Variants in ANGPTL6 observed in about 807,000 individuals in gnomAD.
ANGPTL6 encodes the protein angiopoietin like 6.
In ANGPTL6, 45 loss-of-function variants were observed where a neutral mutation model predicts 47.4. The ratio of observed to expected loss-of-function variants is 0.95; its 90% CI spans 0.75 to 1.22. The LOEUF is 1.22. Ranked by LOEUF, ANGPTL6 falls within the 50% of genes most tolerant of loss-of-function variation. ANGPTL6 has a pLI of 0.00. For synonymous variants in ANGPTL6, 290 were observed against 295.9 expected, an observed-to-expected ratio of 0.98 and a Z score of 0.20; for missense variants, 698 against 669.4, an observed-to-expected ratio of 1.04 and a Z score of -0.47.
At position 10,094,781 on chromosome 19, in the gene ANGPTL6, G is replaced by A. The variant is rs368615668; in HGVS notation, c.740C>T (p.Pro247Leu). ...PMASPMPAGH[P>L]AVPTKPVGPW... ...ACCCACAGGCTTGGTGGGGACCGCA[G>A]GGTGACCTGCAGGCATGGGAGAAGC... The change falls in exon 3 of 6, where the codon CCT (proline) becomes CTT (leucine). Residue 247 changes from proline (P) to leucine (L), a missense_variant. Physicochemically the swap from Pro to Leu is moderately conservative, Grantham distance 98. Coordinates refer to ENST00000253109, the MANE Select transcript of ANGPTL6 (RefSeq NM_031917.3). 1.9e-6 allele frequency: 3 copies of A among 1,614,108 alleles called. No individual in the cohort carries two copies. In the African/African-American group the frequency reaches 4.0e-5, roughly 22 times the overall value.
chr19:10,096,423 G>C lies in ANGPTL6; in HGVS notation c.141C>G (p.Pro47=). ...CCTCGGGCGTCGCCCGCGTGGATGC[G>C]GGGCCGCTCCAGCACACAGCGCCCG... The part of the protein sequence containing the change: ...KFTGAVCWSG[P]ASTRATPEAA... Residue 47 remains proline, a synonymous_variant, in exon 2 of 6, where the codon CCC becomes CCG. Transcript: ENST00000253109. The C allele has an allele frequency of 7.4e-7, 1 of 1,343,376 alleles. No homozygotes were observed. The allele number at this position is 1,343,376 out of a possible 1,614,324, so 83.2% of individuals were successfully genotyped here.
upstream of ANGPTL6, among the ~76,000 whole-genome samples, chr19:10,104,307 TTGTGTGTGTGGTGTG>T (rs1335764603): frequency 7.0e-5 from 6 of 85,266 alleles, no homozygotes; most frequent in African/African-American, 1.1e-4. Flanking sequence ...TTTGTTTTGT[TTGTGTGTGTGGTGTG>T]TGTGTGTGTG....
At chr19:10,106,133 G>A (rs2088813734), upstream of ANGPTL6, 2 of 600,322 alleles carry the variant, frequency 3.3e-6, no homozygotes, top group Non-Finnish European at 5.7e-6. Context: ...TGGAGGAAAT[G>A]GGCCGAAGCG....
upstream of ANGPTL6, among the ~76,000 whole-genome samples, chr19:10,105,090 G>A (rs1321648123): frequency 3.3e-5 from 5 of 152,182 alleles, no homozygotes; most frequent in Admixed American, 6.5e-5. Context: ...GCCACACGCC[G>A]GGAGAGTCAC....
Position 10,095,963 on chromosome 19 carries a change from G to C in ANGPTL6, c.582+19C>G. The C allele has an allele frequency of 7.8e-7, 1 of 1,285,512 alleles. No individual in the cohort carries two copies. The highest frequency in any genetic ancestry group is 9.9e-7 in the Non-Finnish European group (1 of 1,009,902). 79.6% of individuals were successfully genotyped at this position (1,285,512 alleles called of 1,614,324 possible). On this transcript the variant is annotated intron_variant, in intron 2 of 5. Transcript: ENST00000253109. ...CATTTCACAGACGATGCTGCTCTCC[G>C]GGGAGGCTGCGAGGTTACCTGCTGC... is the stretch of plus-strand genomic sequence containing the variant.
Position 10,094,644 on chromosome 19 carries a change from A to G in ANGPTL6, c.763+114T>C, listed in dbSNP as rs567388672. 6 of 1,283,832 alleles carry G rather than the reference A, an allele frequency of 4.7e-6. No individual in the cohort carries two copies. In the African/African-American group the frequency reaches 9.0e-5, roughly 19 times the overall value. 79.5% of individuals were successfully genotyped at this position (1,283,832 alleles called of 1,614,324 possible). ...TAGAAGTTTGGTCTTATTTTTAATCAGAATAGGAGTATCATTTCTTCTGGT... is the reference window on the plus strand; with the variant it reads ...TAGAAGTTTGGTCTTATTTTTAATCGGAATAGGAGTATCATTTCTTCTGGT... On this transcript the variant is annotated intron_variant, in intron 3 of 5. Transcript: ENST00000253109.
At position 10,096,388 on chromosome 19, in the gene ANGPTL6, G is replaced by A; in HGVS notation, c.176C>T (p.Ala59Val). ...CATGCGCAGCGCCGCCAGCTCGCTG[G>A]CGTTGGCGGCCTCGGGCGTCGCCCG... ...STRATPEAAN[A>V]SELAALRMRV... The change falls in exon 2 of 6, where the codon GCC (alanine) becomes GTC (valine). Residue 59 changes from alanine to valine, a missense_variant. Ala to Val is a moderately conservative substitution (Grantham distance 64). Transcript: ENST00000253109. 3.1e-6 allele frequency: 4 copies of A among 1,303,276 alleles called. No homozygotes were observed. The highest frequency in any genetic ancestry group is 2.3e-5 in the South Asian group (1 of 43,758). The allele number at this position is 1,303,276 out of a possible 1,614,324, so 80.7% of individuals were successfully genotyped here.
At position 10,095,918 on chromosome 19, in the gene ANGPTL6, T is replaced by C. The variant is rs530837611; in HGVS notation, c.582+64A>G. 1.9e-4 allele frequency: 182 copies of C among 970,964 alleles called. 1 individual carries two copies. In the South Asian group the frequency reaches 7.1e-3, roughly 38 times the overall value. The allele number at this position is 970,964 out of a possible 1,614,324, so 60.1% of individuals were successfully genotyped here. On this transcript the variant is annotated intron_variant, in intron 2 of 5. Coordinates refer to ENST00000253109, the MANE Select transcript of ANGPTL6 (RefSeq NM_031917.3). Reference sequence around the variant, plus strand: ...GGATTTCAGAACTGTGGATAAGAGATCGTGGGGTTGCAAAACCCCCATTTC... The same window carrying C: ...GGATTTCAGAACTGTGGATAAGAGACCGTGGGGTTGCAAAACCCCCATTTC...
upstream of ANGPTL6, among the ~76,000 whole-genome samples, chr19:10,105,084 C>G (rs1343247470): frequency 6.6e-6 from 1 of 152,254 alleles, no homozygotes; most frequent in South Asian, 2.1e-4. Flanking sequence ...CGACCAGCCA[C>G]ACGCCGGGAG....
At position 10,093,507 on chromosome 19, in the gene ANGPTL6, C is replaced by T. The variant is rs771691421; in HGVS notation, c.1064G>A (p.Arg355His). 6.8e-5 allele frequency: 109 copies of T among 1,614,076 alleles called. No individual in the cohort carries two copies. Among genetic ancestry groups the T allele is most frequent in the Non-Finnish European group, 9.0e-5 (106 of 1,180,046 alleles). The change falls in exon 5 of 6, where the codon CGT becomes CAT. Residue 355 changes from arginine to histidine, a missense_variant. Coordinates refer to ENST00000253109, the MANE Select transcript of ANGPTL6 (RefSeq NM_031917.3). ...LLVLLEDWGG[R>H]GARAHYDGFS... ...GCCATCATAGTGGGCACGTGCTCCA[C>T]GGCCCCCCCAGTCCTCCAGGAGAAC...
intron 2 of ANGPTL6, 93 bp downstream of exon 2, chr19:10,095,889 T>C: frequency 1.3e-6 from 1 of 794,726 alleles, no homozygotes; most frequent in Non-Finnish European, 1.7e-6. Context: ...TTTCAGGGTT[T>C]TGCGGATTTC....
At chr19:10,099,837 C>T (rs1568473869) in intron 1 of ANGPTL6, among the ~76,000 whole-genome samples, 1 of 144,640 alleles carries the variant, frequency 6.9e-6, no homozygotes, top group African/African-American at 2.6e-5. Context: ...CCCTCTCTCT[C>T]TCTCTCTTTC....
intron 1 of ANGPTL6, among the ~76,000 whole-genome samples, chr19:10,099,952 C>T (rs1247502676): frequency 1.3e-5 from 2 of 149,950 alleles, no homozygotes; most frequent in African/African-American, 2.4e-5. Flanking sequence ...CTCCACCTCC[C>T]GGGTTCAAGT....
At position 10,100,154 on chromosome 19, in the gene ANGPTL6, CAGA is replaced by C. The variant is rs373800071; in HGVS notation, c.-11+2411_-11+2413del. Among the ~76,000 whole-genome samples, 294 of 151,574 alleles carry C rather than the reference CAGA, an allele frequency of 1.9e-3. 3 individuals are homozygous for C. In the East Asian group the frequency reaches 0.05, roughly 26 times the overall value. The stretch of plus-strand genomic sequence containing the variant: ...ATCCCAGCTACTCGGGAGGCTGAGG[CAGA>C]AGAACGGCTTGAACCTGGCAGAGGT... On this transcript the variant is annotated intron_variant, in intron 1 of 5. Coordinates refer to ENST00000253109, the MANE Select transcript of ANGPTL6 (RefSeq NM_031917.3).
intron 1 of ANGPTL6, 131 bp downstream of exon 1, chr19:10,102,437 T>G: frequency 2.5e-6 from 1 of 407,066 alleles, no homozygotes; most frequent in Non-Finnish European, 3.3e-6. Context: ...CTGGGACGTG[T>G]GTATAACACC....
In ANGPTL6 at chr19:10,092,791, G is replaced by A. The variant is rs756878062; in HGVS notation, c.1223-12C>T. The A allele has an allele frequency of 6.3e-7, 1 of 1,584,514 alleles. No individual in the cohort carries two copies. The highest frequency in any genetic ancestry group is 1.1e-5 in the South Asian group (1 of 88,796). On this transcript the variant is annotated splice_polypyrimidine_tract_variant and intron_variant, in intron 5 of 5. Coordinates refer to ENST00000253109, the MANE Select transcript of ANGPTL6 (RefSeq NM_031917.3). ...CAGGGCACAGTTACCTGAGGGGAGA[G>A]AGAGAGTCCATGTCCTCTCACCAGA...
intron 1 of ANGPTL6, among the ~76,000 whole-genome samples, chr19:10,097,632 T>A (rs1300235789): frequency 6.6e-6 from 1 of 152,044 alleles, no homozygotes; most frequent in Non-Finnish European, 1.5e-5. Context: ...GGCAGGTGGA[T>A]CACGAGGTCA....
intron 1 of ANGPTL6, among the ~76,000 whole-genome samples, chr19:10,096,984 A>G (rs1006936581): frequency 1.3e-5 from 2 of 151,284 alleles, no homozygotes; most frequent in Non-Finnish European, 2.9e-5. Flanking sequence ...CTCTGGTCCC[A>G]GCTATTCGGG....
At chr19:10,102,539 A>C in intron 1 of ANGPTL6, 29 bp downstream of exon 1, 1 of 983,000 alleles carries the variant, frequency 1.0e-6, no homozygotes, top group Non-Finnish European at 1.2e-6. Flanking sequence ...AGTGAGAATC[A>C]ACCTCCACCT....
Sources: allele counts gnomAD v4.1 joint callset (sites outside exome capture counted in the v4.1 genomes callset), GRCh38; gene constraint gnomAD v4.1.1; transcripts MANE v1.5; gene names NCBI Gene and HGNC (gene_info 2026-07-23, HGNC 2026-07-21).